Variants in CCND3 observed in about 807,000 individuals in gnomAD.
The protein encoded by CCND3 is cyclin D3.
CCND3 carries 9 observed loss-of-function variants against 28.7 expected under a neutral mutation model. That is an observed-to-expected ratio of 0.31 (90% CI 0.19 to 0.55). The LOEUF (loss-of-function observed/expected upper bound fraction) is 0.55, where lower values mean the gene tolerates loss of function less well. Among genes scored for constraint, CCND3 ranks in the 20% least tolerant of loss-of-function variants. The pLI is 0.93. For missense variants in CCND3, 315 were observed against 385.8 expected (o/e 0.82, Z 1.54); for synonymous variants, 164 against 163.9 (o/e 1.00, Z 0.00).
At chr6:41,980,376 T>C (rs1306812983) in intron 1 of CCND3, among the ~76,000 whole-genome samples, 1 of 152,140 alleles carries the variant, frequency 6.6e-6, no homozygotes, top group African/African-American at 2.4e-5. Flanking sequence ...CCTCAGGTGA[T>C]TGTCCAACCT....
rs572986136 is a variant in CCND3 at position 41,981,585 on chromosome 6, G to A, written c.-45-41000C>T. 1.5e-4 allele frequency among the ~76,000 whole-genome samples: 23 copies of A among 151,586 alleles called. No homozygotes were observed. The South Asian group carries it at 4.0e-3, about 26-fold the overall frequency. ...TTCACCCAGGCTGGAGTGCAGTGGCGTGTTCTCGGCTTACTGCAACCTCTG... is the reference window on the plus strand; with the variant it reads ...TTCACCCAGGCTGGAGTGCAGTGGCATGTTCTCGGCTTACTGCAACCTCTG... On this transcript the variant is annotated intron_variant, in intron 1 of 4. Coordinates refer to the CCND3 transcript ENST00000372988.
rs150226098 is a variant in CCND3, at chr6:42,043,667, C to T, written c.-46+4834G>A. 7.0e-3 allele frequency among the ~76,000 whole-genome samples: 1,061 copies of T among 152,314 alleles called. 15 individuals carry two copies. Among genetic ancestry groups the T allele is most frequent in the African/African-American group, 0.024 (994 of 41,570 alleles). On this transcript the variant is annotated intron_variant, in intron 1 of 4. Transcript: ENST00000372988. Reference sequence around the variant, plus strand: ...GAGCCGAGATCACGCCACTGCACTCCAGCCTGGGCGACAGAGTGAGACCCT... The same window carrying T: ...GAGCCGAGATCACGCCACTGCACTCTAGCCTGGGCGACAGAGTGAGACCCT...
chr6:41,951,573 C>A (rs71544446), intron 1 of CCND3, among the ~76,000 whole-genome samples: 47,594 of 68,226 alleles, frequency 0.7, 17,613 homozygotes, highest in African/African-American at 0.77. Context: ...CACACACACA[C>A]ACAAAAAAAA....
At chr6:42,012,530 G>C (rs1289805410) in intron 1 of CCND3, among the ~76,000 whole-genome samples, 2 of 152,154 alleles carry the variant, frequency 1.3e-5, no homozygotes, top group Non-Finnish European at 2.9e-5. Flanking sequence ...GAACCTGGGA[G>C]GTGGAGGTTG....
intron 1 of CCND3, among the ~76,000 whole-genome samples, chr6:42,033,823 T>C (rs1019598294): frequency 4.0e-5 from 6 of 149,976 alleles, no homozygotes; most frequent in Non-Finnish European, 7.4e-5. Flanking sequence ...TGCACTCCAG[T>C]CTGGGCAACA....
At chr6:41,949,472 TC>T (rs1490661280) in intron 1 of CCND3, among the ~76,000 whole-genome samples, 1 of 151,966 alleles carries the variant, frequency 6.6e-6, no homozygotes, top group Non-Finnish European at 1.5e-5. Context: ...GCCACTGCAC[TC>T]CAGCCCGGGG....
In CCND3 at chr6:41,975,546, C is replaced by T. The variant is rs570357036; in HGVS notation, c.-45-34961G>A. 2.2e-3 allele frequency among the ~76,000 whole-genome samples: 339 copies of T among 152,232 alleles called. 2 individuals are homozygous for T. The highest frequency in any genetic ancestry group is 8.0e-3 in the African/African-American group (331 of 41,554). ...TGGTAAACAGAGGTGCTGGGGGCCT[C>T]GGCTGGCACATTATCTTACTGTAGG... is the stretch of plus-strand genomic sequence containing the variant. On this transcript the variant is annotated intron_variant, in intron 1 of 4. Coordinates refer to the CCND3 transcript ENST00000372988.
At chr6:41,948,371 C>G (rs962492524) in intron 1 of CCND3, among the ~76,000 whole-genome samples, 1 of 150,424 alleles carries the variant, frequency 6.6e-6, no homozygotes, top group East Asian at 2.0e-4. Context: ...GGGTCTCACT[C>G]TGTCACCCAG....
intron 1 of CCND3, among the ~76,000 whole-genome samples, chr6:42,034,715 T>C (rs1449452938): frequency 6.6e-6 from 1 of 152,012 alleles, no homozygotes; most frequent in African/African-American, 2.4e-5. Context: ...CCTGACCTAG[T>C]GATCCGGCCG....
At chr6:41,947,621 T>C (rs1181530218) in intron 1 of CCND3, among the ~76,000 whole-genome samples, 2 of 152,180 alleles carry the variant, frequency 1.3e-5, no homozygotes, top group African/African-American at 4.8e-5. Context: ...AAATCTACTC[T>C]TTTTTTCCTC....
chr6:41,941,731 G>T lies in CCND3; in HGVS notation c.-82C>A. 9.4e-7 allele frequency: 1 copy of T among 1,063,552 alleles called. No homozygotes were observed. The highest frequency in any genetic ancestry group is 1.2e-6 in the Non-Finnish European group (1 of 823,026). The allele number at this position is 1,063,552 out of a possible 1,614,324, so 65.9% of individuals were successfully genotyped here. A position where few individuals can be genotyped will look rare whatever the true frequency, so the allele number is the denominator to read the frequency against. On this transcript the variant is annotated 5_prime_UTR_variant, in exon 1 of 5. Coordinates refer to ENST00000372991, the MANE Select transcript of CCND3 (RefSeq NM_001760.5). The surrounding 1 kb of genome is among the most constrained non-coding windows in gnomAD (Gnocchi z 6.1). ...GACGGGCCGGAGAGCGCGGGGCGCG[G>T]GTCTGGCGCTGGCGCTGGCACTGCG...
intron 1 of CCND3, among the ~76,000 whole-genome samples, chr6:41,958,486 CA>C (rs1017487696): frequency 6.6e-6 from 1 of 152,172 alleles, no homozygotes; most frequent in Non-Finnish European, 1.5e-5. Context: ...GAGATCCTAT[CA>C]AACACAAGAT....
chr6:41,990,300 A>G (rs1433755554), intron 1 of CCND3, among the ~76,000 whole-genome samples: 1 of 152,146 alleles, frequency 6.6e-6, no homozygotes, highest in Non-Finnish European at 1.5e-5. Context: ...GAAGTTGAAG[A>G]TGATACAAAT....
chr6:42,039,619 T>C (rs1202113374), intron 1 of CCND3, among the ~76,000 whole-genome samples: 1 of 152,162 alleles, frequency 6.6e-6, no homozygotes, highest in African/African-American at 2.4e-5. Context: ...GAAAGGAAAA[T>C]GAGCATTGAA....
chr6:42,040,560 A>G (rs1037012123), intron 1 of CCND3, among the ~76,000 whole-genome samples: 8 of 152,090 alleles, frequency 5.3e-5, no homozygotes, highest in African/African-American at 1.9e-4. Flanking sequence ...TATCTGCAAA[A>G]TAAAAAACCT....
intron 1 of CCND3, among the ~76,000 whole-genome samples, chr6:42,025,520 T>C (rs1763849623): frequency 6.6e-6 from 1 of 152,030 alleles, no homozygotes. Flanking sequence ...ACAGAAGAAG[T>C]CACACACCTC....
rs1400259194 is a variant in CCND3 at position 41,985,718 on chromosome 6, C to T, written c.-45-45133G>A. Among the ~76,000 whole-genome samples the T allele has an allele frequency of 1.4e-3, 2 of 1,450 alleles. 1 individual carries two copies. Among genetic ancestry groups the T allele is most frequent in the African/African-American group, 1.5e-3 (2 of 1,354 alleles). The allele number at this position is 1,450 out of a possible 152,430, so 1.0% of individuals were successfully genotyped here. A position where few individuals can be genotyped will look rare whatever the true frequency, so the allele number is the denominator to read the frequency against. On this transcript the variant is annotated intron_variant, in intron 1 of 4. Transcript: ENST00000372988. ...GATCTCGGCTCACTGCAAGCTCCGC[C>T]TCCCGGGTTCACGCCATTCTCCTGC...
At chr6:41,944,429 G>GT (rs1284662341), upstream of CCND3, among the ~76,000 whole-genome samples, 4 of 148,678 alleles carry the variant, frequency 2.7e-5, no homozygotes, top group South Asian at 4.3e-4. Context: ...GTTTTTCTTT[G>GT]TTTTTTGGTT....
intron 1 of CCND3, among the ~76,000 whole-genome samples, chr6:42,010,130 A>G (rs1196810832): frequency 6.6e-6 from 1 of 152,132 alleles, no homozygotes; most frequent in African/African-American, 2.4e-5. Flanking sequence ...ATGGGTTATC[A>G]ACTTCATAAG....
Sources: gnomAD v4.1 joint callset for allele counts (sites outside exome capture counted in the v4.1 genomes callset) on GRCh38, gnomAD v4.1.1 for gene constraint, Gnocchi (gnomAD v3.1) non-coding constraint, MANE v1.5 for transcripts, NCBI Gene and HGNC (gene_info 2026-07-23, HGNC 2026-07-21) for gene names.